The following ADGRB3 variants were observed in gnomAD, a reference collection of about 807,000 sequenced individuals.
ADGRB3 encodes the protein brain-specific angiogenesis inhibitor 3.
Under a neutral mutation model 193.4 loss-of-function variants are expected in ADGRB3, and 37 were observed. The ratio of observed to expected loss-of-function variants is 0.19; its 90% CI spans 0.15 to 0.25. The LOEUF is 0.25. Ranked by LOEUF, ADGRB3 falls within the 10% of genes least tolerant of loss-of-function variation. The pLI, the probability that ADGRB3 is intolerant of heterozygous loss-of-function variation, is 1.00. For synonymous variants in ADGRB3, 690 were observed against 644.2 expected (o/e 1.07, Z -1.08); for missense variants, 1,637 against 1,852.9 (o/e 0.88, Z 2.14).
chr6:69,312,544 G>C (rs1768217109), intron 20 of ADGRB3, among the ~76,000 whole-genome samples: 1 of 151,592 alleles, frequency 6.6e-6, no homozygotes, highest in African/African-American at 2.4e-5. Flanking sequence ...AGGTCCAGTG[G>C]TGTCATTTAG....
At chr6:68,741,917 A>T (rs1461722108) in intron 3 of ADGRB3, among the ~76,000 whole-genome samples, 7 of 152,186 alleles carry the variant, frequency 4.6e-5, no homozygotes, top group Admixed American at 4.6e-4. Flanking sequence ...ATCATTCACG[A>T]GTTCACATGT....
intron 17 of ADGRB3, among the ~76,000 whole-genome samples, chr6:69,146,021 C>A (rs901638470): frequency 3.9e-5 from 6 of 152,178 alleles, no homozygotes; most frequent in African/African-American, 1.4e-4. Flanking sequence ...AGCCTCCAGG[C>A]TTTAGGCCTT....
At chr6:69,305,721 A>G (rs1768054759) in intron 20 of ADGRB3, among the ~76,000 whole-genome samples, 1 of 151,322 alleles carries the variant, frequency 6.6e-6, no homozygotes, top group East Asian at 1.9e-4. Flanking sequence ...GCTCATGGAA[A>G]TAATCCACAC....
At chr6:69,121,558 C>A (rs1379641196) in intron 17 of ADGRB3, among the ~76,000 whole-genome samples, 1 of 152,098 alleles carries the variant, frequency 6.6e-6, no homozygotes. Flanking sequence ...ACGGGGCAGC[C>A]TGGCAGAGGC....
At chr6:69,079,442 A>G (rs1772325226) in intron 17 of ADGRB3, among the ~76,000 whole-genome samples, 1 of 152,130 alleles carries the variant, frequency 6.6e-6, no homozygotes, top group Non-Finnish European at 1.5e-5. Flanking sequence ...AATAAGAACT[A>G]TTTATGGCAA....
At chr6:69,132,261 T>C (rs1199900074) in intron 17 of ADGRB3, among the ~76,000 whole-genome samples, 3 of 152,186 alleles carry the variant, frequency 2.0e-5, no homozygotes, top group African/African-American at 7.2e-5. Context: ...AAAGCGTTCC[T>C]ATTTCCACAT....
chr6:69,200,949 A>G (rs1354576290), intron 17 of ADGRB3, among the ~76,000 whole-genome samples: 2 of 152,158 alleles, frequency 1.3e-5, no homozygotes, highest in East Asian at 3.9e-4. Flanking sequence ...AATTTATTAA[A>G]GAAGTGCAAA....
chr6:68,948,643 G>T (rs1419347021), intron 6 of ADGRB3, among the ~76,000 whole-genome samples: 5 of 152,044 alleles, frequency 3.3e-5, no homozygotes, highest in African/African-American at 1.2e-4. Context: ...GTCAGTAGTT[G>T]AATATTAGAG....
At chr6:69,170,500 C>T in intron 17 of ADGRB3, among the ~76,000 whole-genome samples, 1 of 152,134 alleles carries the variant, frequency 6.6e-6, no homozygotes, top group Non-Finnish European at 1.5e-5. Flanking sequence ...ACTATATATT[C>T]TCTCATCCAC....
intron 20 of ADGRB3, among the ~76,000 whole-genome samples, chr6:69,261,250 A>C (rs1030010159): frequency 1.3e-5 from 2 of 152,142 alleles, no homozygotes; most frequent in Non-Finnish European, 2.9e-5. Context: ...TGTAAGAAAA[A>C]GGTCTCAAGC....
chr6:68,896,964 A>G (rs1351079365), intron 3 of ADGRB3, among the ~76,000 whole-genome samples: 2 of 152,050 alleles, frequency 1.3e-5, no homozygotes, highest in Non-Finnish European at 2.9e-5. Context: ...GCTACACACA[A>G]AAGCCACTCC....
At chr6:68,781,071 C>G (rs1170769612) in intron 3 of ADGRB3, among the ~76,000 whole-genome samples, 2 of 152,114 alleles carry the variant, frequency 1.3e-5, no homozygotes, top group Non-Finnish European at 2.9e-5. Context: ...ATAATATAAC[C>G]TGCAACTGCA....
intron 3 of ADGRB3, among the ~76,000 whole-genome samples, chr6:68,653,214 A>C (rs1423442756): frequency 6.6e-6 from 1 of 152,170 alleles, no homozygotes. Context: ...CCTCTGCTCT[A>C]AGCCTTTGCC....
chr6:68,931,453 C>T (rs1252334419), intron 4 of ADGRB3, among the ~76,000 whole-genome samples: 1 of 151,928 alleles, frequency 6.6e-6, no homozygotes, highest in Non-Finnish European at 1.5e-5. Context: ...GTAGTACATC[C>T]TTAAAAAGTG....
intron 20 of ADGRB3, among the ~76,000 whole-genome samples, chr6:69,295,891 G>A (rs576213691): frequency 1.9e-4 from 29 of 152,274 alleles, no homozygotes; most frequent in African/African-American, 6.0e-4. Context: ...TCCAAATGTT[G>A]ACATTGCCTT....
intron 1 of ADGRB3, among the ~76,000 whole-genome samples, chr6:68,636,443 G>GATAGATAA (rs1554162470): frequency 2.1e-5 from 3 of 145,146 alleles, no homozygotes; most frequent in East Asian, 4.1e-4. Flanking sequence ...CTCAGCAAGA[G>GATAGATAA]ATAAATAAAT....
At chr6:69,179,060 C>T (rs901785428) in intron 17 of ADGRB3, among the ~76,000 whole-genome samples, 8 of 152,148 alleles carry the variant, frequency 5.3e-5, no homozygotes, top group African/African-American at 1.9e-4. Flanking sequence ...TTTTCTTTTT[C>T]TCTGTCTCTC....
At chr6:68,661,315 G>T (rs1462096734) in intron 3 of ADGRB3, among the ~76,000 whole-genome samples, 2 of 118,398 alleles carry the variant, frequency 1.7e-5, no homozygotes, top group African/African-American at 3.7e-5. Context: ...ATGTGTGTGT[G>T]TGTGTGTGTG....
intron 30 of ADGRB3, among the ~76,000 whole-genome samples, chr6:69,378,701 A>C (rs1769884119): frequency 6.6e-6 from 1 of 151,996 alleles, no homozygotes; most frequent in African/African-American, 2.4e-5. Context: ...CACAACTTAA[A>C]AGTGATACAA....
Sources: gnomAD v4.1 joint callset for allele counts (sites outside exome capture counted in the v4.1 genomes callset) on GRCh38, gnomAD v4.1.1 for gene constraint, MANE v1.5 for transcripts, NCBI Gene and HGNC (gene_info 2026-07-23, HGNC 2026-07-21) for gene names.